The following TJP2 variants were observed in gnomAD, a reference collection of about 807,000 sequenced individuals.
TJP2 encodes tight junction protein 2, also known as Friedreich ataxia region gene X104 (tight junction protein ZO-2).
TJP2 carries 91 observed loss-of-function variants against 133.1 expected under a neutral mutation model. The ratio of observed to expected loss-of-function variants is 0.68; its 90% CI spans 0.58 to 0.81. TJP2 has a LOEUF of 0.81. TJP2 is among the 40% of genes least tolerant of loss of function. The pLI, the probability that TJP2 is intolerant of heterozygous loss-of-function variation, is 0.00. For missense variants in TJP2, 1,541 were observed against 1,565.6 expected (o/e 0.98, Z 0.26); for synonymous variants, 592 against 583.4 (o/e 1.01, Z -0.21).
chr9:69,224,315 A>G (rs1376151431), intron 5 of TJP2, among the ~76,000 whole-genome samples: 1 of 152,052 alleles, frequency 6.6e-6, no homozygotes, highest in African/African-American at 2.4e-5. Flanking sequence ...AGACAGCCTC[A>G]TTGTCAGCAG....
intron 21 of TJP2, among the ~76,000 whole-genome samples, chr9:69,252,141 C>T (rs1831382455): frequency 6.6e-6 from 1 of 152,056 alleles, no homozygotes; most frequent in Admixed American, 6.6e-5. Context: ...ACCACAGGCA[C>T]ATGCCACTGC....
intron 1 of TJP2, among the ~76,000 whole-genome samples, chr9:69,186,419 A>C (rs1263034141): frequency 1.3e-5 from 2 of 152,218 alleles, no homozygotes; most frequent in Admixed American, 6.5e-5. Flanking sequence ...TATTTCAGCC[A>C]CTGGTTTAGC....
chr9:69,211,569 G>T (rs939727771), intron 1 of TJP2, among the ~76,000 whole-genome samples: 2 of 152,154 alleles, frequency 1.3e-5, no homozygotes, highest in Non-Finnish European at 2.9e-5. Context: ...GAGAGGATTC[G>T]CATCTGCCTC....
At chr9:69,234,337 G>T in intron 11 of TJP2, 102 bp from the exon 12 acceptor site, 1 of 949,940 alleles carries the variant, frequency 1.1e-6, no homozygotes, top group Non-Finnish European at 1.6e-6. Context: ...CAAACAAAAG[G>T]GTCAGTGGCA....
At chr9:69,154,155 G>T (rs1823621421) in intron 2 of TJP2, among the ~76,000 whole-genome samples, 2 of 152,204 alleles carry the variant, frequency 1.3e-5, no homozygotes, top group African/African-American at 2.4e-5. Context: ...AGTGAGATTT[G>T]TATTTCTATA....
Position 69,227,793 on chromosome 9 carries a change from AT to A in TJP2, c.1243del (p.Ser415LeufsTer21), listed in dbSNP as rs1057518679. On this transcript the variant is annotated frameshift_variant, in exon 8 of 23. Coordinates refer to ENST00000377245, the MANE Select transcript of TJP2 (RefSeq NM_004817.4). LOFTEE classifies it high-confidence loss of function. Reference protein sequence around the residue: ...DISEIESNRSFSPEERRHQYS... With the variant: ...DISEIESNRSXSPEERRHQYS... ...TTTCAGAAATAGAGTCAAACCGATC[AT>A]TTTCTCCAGAGGAGAGACGTCATCA... The A allele has an allele frequency of 6.2e-7, 1 of 1,612,884 alleles. No homozygotes were observed. Among genetic ancestry groups the A allele is most frequent in the Non-Finnish European group, 8.5e-7 (1 of 1,179,100 alleles).
At position 69,251,340 on chromosome 9, in the gene TJP2, G is replaced by A; in HGVS notation, c.3297G>A (p.Glu1099=). 1 of 1,613,982 alleles carries A rather than the reference G, an allele frequency of 6.2e-7. No homozygotes were observed. Among genetic ancestry groups the A allele is most frequent in the Non-Finnish European group, 8.5e-7 (1 of 1,180,026 alleles). ...AGGCCAGGTTACAGAGAATGCAGGAGCTCCAGGAAGCACAGAATGCAAGGG... is the reference window on the plus strand; with the variant it reads ...AGGCCAGGTTACAGAGAATGCAGGAACTCCAGGAAGCACAGAATGCAAGGG... The part of the protein sequence containing the change: ...DHKARLQRMQ[E]LQEAQNARIE... Residue 1099 remains glutamate (E), a synonymous_variant, in exon 21 of 23, where the codon GAG becomes GAA. Coordinates refer to ENST00000377245, the MANE Select transcript of TJP2 (RefSeq NM_004817.4).
rs200531230 is a variant in TJP2 at position 69,229,205 on chromosome 9, C to G, written c.1475C>G (p.Pro492Arg). Residue 492 changes from proline to arginine, a missense_variant, in exon 10 of 23, where the codon CCG becomes CGG. Coordinates refer to ENST00000377245, the MANE Select transcript of TJP2 (RefSeq NM_004817.4). ...ACAGCTCCTCAACCAAAAGCAGCCCCGAGAACTTTTCTTCGTCCTAGTCCT... is the reference window on the plus strand; with the variant it reads ...ACAGCTCCTCAACCAAAAGCAGCCCGGAGAACTTTTCTTCGTCCTAGTCCT... ...DPPAPQPKAA[P>R]RTFLRPSPED... The G allele has an allele frequency of 1.2e-6, 2 of 1,613,992 alleles. No homozygotes were observed. The highest frequency in any genetic ancestry group is 2.7e-5 in the African/African-American group (2 of 74,912).
rs73450887 is a variant in TJP2, at chr9:69,236,841, G to A, written c.1992-108G>A. The A allele has an allele frequency of 3.9e-4, 513 of 1,298,776 alleles. 6 individuals carry two copies. In the African/African-American group the frequency reaches 6.1e-3, roughly 16 times the overall value. The allele number at this position is 1,298,776 out of a possible 1,614,324, so 80.5% of individuals were successfully genotyped here. The stretch of plus-strand genomic sequence containing the variant: ...CTCTGAAACTTCTTCATTGTCAAGC[G>A]GAATCTTCTCTGAGCTCAGAAGTAA... On this transcript the variant is annotated intron_variant, in intron 13 of 22. Coordinates refer to ENST00000377245, the MANE Select transcript of TJP2 (RefSeq NM_004817.4).
At chr9:69,185,880 CCTTT>C (rs1021378214) in intron 1 of TJP2, among the ~76,000 whole-genome samples, 7 of 44,222 alleles carry the variant, frequency 1.6e-4, no homozygotes, top group Non-Finnish European at 2.9e-4. Flanking sequence ...ATAATGTAGT[CCTTT>C]TTTTTTTTTT....
intron 17 of TJP2, among the ~76,000 whole-genome samples, chr9:69,241,281 A>T (rs1830562144): frequency 1.3e-5 from 2 of 152,212 alleles, no homozygotes; most frequent in Admixed American, 1.3e-4. Flanking sequence ...TGAGATTATT[A>T]AGAGTTTTAA....
rs1037433497 is a variant in TJP2, at chr9:69,249,785, T to C, written c.2991+300T>C. ...AGAAAAAGATTGAAAAATACTGTAC[T>C]GTATACCCAGAATCACCAATCGCAG... On this transcript the variant is annotated intron_variant, in intron 20 of 22. Coordinates refer to ENST00000377245, the MANE Select transcript of TJP2 (RefSeq NM_004817.4). The C allele has an allele frequency of 8.2e-6, 8 of 978,646 alleles. No individual in the cohort carries two copies. In the African/African-American group the frequency reaches 1.2e-4, roughly 15 times the overall value. 60.6% of individuals were successfully genotyped at this position (978,646 alleles called of 1,614,324 possible).
chr9:69,133,181 C>A (rs7038833), intron 1 of TJP2, among the ~76,000 whole-genome samples: 4 of 152,076 alleles, frequency 2.6e-5, no homozygotes, highest in African/African-American at 9.6e-5. Context: ...AGCCTGGTCT[C>A]GAACGCTTGA....
intron 12 of TJP2, 145 bp from the exon 13 acceptor site, chr9:69,235,883 T>C: frequency 1.4e-6 from 1 of 730,258 alleles, no homozygotes; most frequent in East Asian, 2.7e-5. Context: ...TCCTTGTTCC[T>C]GTTGGAGCTG....
intron 1 of TJP2, among the ~76,000 whole-genome samples, chr9:69,175,489 G>T (rs1825015822): frequency 6.6e-6 from 1 of 152,246 alleles, no homozygotes; most frequent in South Asian, 2.1e-4. Context: ...CTGGGCAGGA[G>T]ATCGCTTGAA....
chr9:69,177,075 A>G (rs896835860), intron 1 of TJP2, among the ~76,000 whole-genome samples: 6 of 152,138 alleles, frequency 3.9e-5, no homozygotes, highest in Admixed American at 1.3e-4. Flanking sequence ...TCATCTCTAG[A>G]ACGAATCCCA....
Position 69,216,995 on chromosome 9 carries a change from T to C in TJP2, c.239+532T>C, listed in dbSNP as rs955285622. 1.1e-3 allele frequency among the ~76,000 whole-genome samples: 160 copies of C among 151,254 alleles called. 2 individuals carry two copies. In the East Asian group the frequency reaches 0.026, roughly 24 times the overall value. On this transcript the variant is annotated intron_variant, in intron 3 of 22. Transcript: ENST00000377245. ...TTAATAAATTTTTTCTTTTCTTTTT[T>C]TTTTTTTTTTTCAGACAGAGTCTTG...
At chr9:69,228,171 C>A in intron 9 of TJP2, 57 bp downstream of exon 9, 2 of 1,556,248 alleles carry the variant, frequency 1.3e-6, no homozygotes, top group South Asian at 1.2e-5. Context: ...TGTGCTCACA[C>A]AGCCATAACA....
intron 1 of TJP2, among the ~76,000 whole-genome samples, chr9:69,209,385 T>G (rs1304188881): frequency 6.6e-6 from 1 of 152,138 alleles, no homozygotes; most frequent in African/African-American, 2.4e-5. Context: ...CCACCTGCCT[T>G]GGCCTCCCAA....
Sources: allele counts gnomAD v4.1 joint callset (sites outside exome capture counted in the v4.1 genomes callset), GRCh38; gene constraint gnomAD v4.1.1; transcripts MANE v1.5; gene names NCBI Gene and HGNC (gene_info 2026-07-23, HGNC 2026-07-21).